Variants in SLC14A2 observed in about 807,000 individuals in gnomAD.
SLC14A2 encodes urea transporter 2.
Under a neutral mutation model 104.6 loss-of-function variants are expected in SLC14A2, and 91 were observed. That is an observed-to-expected ratio of 0.87 (90% confidence interval 0.73 to 1.04). The LOEUF (loss-of-function observed/expected upper bound fraction) is 1.04, where lower values mean the gene tolerates loss of function less well. Ranked by LOEUF, SLC14A2 falls within the 50% of genes least tolerant of loss-of-function variation. SLC14A2 has a pLI of 0.00. For missense variants in SLC14A2, 1,189 were observed against 1,156.0 expected, an observed-to-expected ratio of 1.03 and a Z score of -0.41; for synonymous variants, 476 against 466.4, an observed-to-expected ratio of 1.02 and a Z score of -0.27.
At chr18:45,368,323 G>A (rs1329227589) in intron 1 of SLC14A2, among the ~76,000 whole-genome samples, 2 of 152,098 alleles carry the variant, frequency 1.3e-5, no homozygotes, top group African/African-American at 4.8e-5. Flanking sequence ...ATGAGTTGAG[G>A]GTGAGAGTGT....
intron 1 of SLC14A2, among the ~76,000 whole-genome samples, chr18:45,439,187 G>A (rs1036090910): frequency 6.6e-6 from 1 of 152,180 alleles, no homozygotes; most frequent in African/African-American, 2.4e-5. Context: ...GCTGAGGAGG[G>A]AGGATTGCTT....
At chr18:45,517,913 A>G (rs1426073924) in intron 2 of SLC14A2, among the ~76,000 whole-genome samples, 2 of 152,224 alleles carry the variant, frequency 1.3e-5, no homozygotes, top group African/African-American at 4.8e-5. Flanking sequence ...GGGGCAAGGG[A>G]TATAAGAATA....
chr18:45,212,665 A>G (rs1173864472), upstream of SLC14A2, among the ~76,000 whole-genome samples: 1 of 152,214 alleles, frequency 6.6e-6, no homozygotes, highest in East Asian at 1.9e-4. Context: ...GTGTGTGCAC[A>G]TGTGATACAT....
chr18:45,563,426 C>A (rs578103726), intron 2 of SLC14A2, among the ~76,000 whole-genome samples: 1 of 152,154 alleles, frequency 6.6e-6, no homozygotes, highest in Non-Finnish European at 1.5e-5. Flanking sequence ...ATTCAAAATC[C>A]CAAATGCAAA....
chr18:45,493,118 C>G (rs1000560443), intron 2 of SLC14A2: 9 of 152,254 alleles, frequency 5.9e-5, no homozygotes, highest in African/African-American at 2.2e-4. Flanking sequence ...GAAGCTCCCC[C>G]TGGTATATGG....
the SLC14A2 span, among the ~76,000 whole-genome samples, chr18:45,200,782 T>G: frequency 2.0e-5 from 3 of 152,176 alleles, no homozygotes; most frequent in Non-Finnish European, 4.4e-5. Context: ...AAGAATAGTT[T>G]TATACTTATA....
At chr18:45,473,329 C>A (rs2087288294) in intron 1 of SLC14A2, among the ~76,000 whole-genome samples, 1 of 152,156 alleles carries the variant, frequency 6.6e-6, no homozygotes, top group Non-Finnish European at 1.5e-5. Context: ...CGGCTTTGTT[C>A]TTTTTGCTTA....
At chr18:45,666,105 T>A in intron 11 of SLC14A2, 32 bp from the exon 12 acceptor site, 1 of 1,518,242 alleles carries the variant, frequency 6.6e-7, no homozygotes, top group Non-Finnish European at 9.2e-7. Context: ...AGAGGTGTCC[T>A]AACTGATGGT....
intron 1 of SLC14A2, among the ~76,000 whole-genome samples, chr18:45,322,065 A>G (rs2085190700): frequency 6.6e-6 from 1 of 152,202 alleles, no homozygotes; most frequent in African/African-American, 2.4e-5. Flanking sequence ...CATATTTAAA[A>G]GTTTAGATTA....
At chr18:45,329,310 G>A (rs1408089981) in intron 1 of SLC14A2, among the ~76,000 whole-genome samples, 1 of 152,192 alleles carries the variant, frequency 6.6e-6, no homozygotes, top group Non-Finnish European at 1.5e-5. Context: ...TCATTTCAAA[G>A]AGACTGAACT....
chr18:45,539,590 G>A (rs1051598021), intron 2 of SLC14A2, among the ~76,000 whole-genome samples: 16 of 152,194 alleles, frequency 1.1e-4, no homozygotes, highest in Non-Finnish European at 1.9e-4. Context: ...AGCCCAGGCA[G>A]GCAGCCCCAT....
intron 2 of SLC14A2, among the ~76,000 whole-genome samples, chr18:45,610,471 G>A (rs1285038703): frequency 1.3e-5 from 2 of 152,188 alleles, no homozygotes; most frequent in Non-Finnish European, 2.9e-5. Flanking sequence ...ATTTTTTAAA[G>A]TCCCTAGATA....
At chr18:45,605,807 T>G (rs1209278424) in intron 2 of SLC14A2, among the ~76,000 whole-genome samples, 1 of 152,024 alleles carries the variant, frequency 6.6e-6, no homozygotes, top group Non-Finnish European at 1.5e-5. Context: ...CCCAGAAAGA[T>G]AGGTTATCAG....
chr18:45,178,386 T>TA, the SLC14A2 span, among the ~76,000 whole-genome samples: 12 of 151,914 alleles, frequency 7.9e-5, no homozygotes, highest in African/African-American at 1.7e-4. Context: ...TGAGTAAGAT[T>TA]AAAAAAATGC....
chr18:45,472,395 A>T (rs1405832688), intron 1 of SLC14A2, among the ~76,000 whole-genome samples: 1 of 152,168 alleles, frequency 6.6e-6, no homozygotes, highest in South Asian at 2.1e-4. Context: ...TATACCCAGT[A>T]ATGGGATTGC....
chr18:45,238,022 A>G (rs2144041994), intron 1 of SLC14A2, among the ~76,000 whole-genome samples: 1 of 152,350 alleles, frequency 6.6e-6, no homozygotes, highest in Admixed American at 6.5e-5. Flanking sequence ...TTGAAATACC[A>G]GATTCCACCC....
intron 1 of SLC14A2, among the ~76,000 whole-genome samples, chr18:45,322,486 A>G (rs542353477): frequency 1.3e-5 from 2 of 152,362 alleles, no homozygotes; most frequent in East Asian, 3.9e-4. Flanking sequence ...ACGTTCTGAC[A>G]TGTGGAATTT....
upstream of SLC14A2, among the ~76,000 whole-genome samples, chr18:45,610,543 T>C (rs2044955910): frequency 6.6e-6 from 1 of 152,106 alleles, no homozygotes; most frequent in Non-Finnish European, 1.5e-5. Context: ...GGAAGGAGTG[T>C]TCACATCCAC....
intron 4 of SLC14A2, 144 bp downstream of exon 4, chr18:45,627,291 T>C: frequency 3.0e-6 from 2 of 668,584 alleles, no homozygotes; most frequent in Non-Finnish European, 5.2e-6. Flanking sequence ...TGACAGTCCT[T>C]GCAGAATTAC....
Sources: gnomAD v4.1 joint callset for allele counts (sites outside exome capture counted in the v4.1 genomes callset) on GRCh38, gnomAD v4.1.1 for gene constraint, MANE v1.5 for transcripts, NCBI Gene and HGNC (gene_info 2026-07-23, HGNC 2026-07-21) for gene names.